The following PAM variants were observed in gnomAD, a reference collection of about 807,000 sequenced individuals.
The protein encoded by PAM is peptidylglycine alpha-amidating monooxygenase.
A neutral mutation model predicts 122.1 loss-of-function variants in PAM; 72 were observed. The observed-to-expected ratio is 0.59, with a 90% confidence interval of 0.49 to 0.72. The LOEUF is 0.72. PAM is among the 30% of genes least tolerant of loss of function. The pLI, the probability that PAM is intolerant of heterozygous loss-of-function variation, is 0.00. For synonymous variants in PAM, 389 were observed against 404.4 expected, an observed-to-expected ratio of 0.96 and a Z score of 0.46; for missense variants, 1,106 against 1,183.7, an observed-to-expected ratio of 0.93 and a Z score of 0.96.
chr5:102,766,877 A>T (rs1203283026), intron 1 of PAM, among the ~76,000 whole-genome samples: 1 of 101,622 alleles, frequency 9.8e-6, no homozygotes, highest in Non-Finnish European at 2.0e-5. Context: ...TATTCGTATA[A>T]TTTTTATGTG....
At chr5:102,829,089 T>C (rs961397138) in intron 1 of PAM, among the ~76,000 whole-genome samples, 2 of 152,098 alleles carry the variant, frequency 1.3e-5, no homozygotes, top group Non-Finnish European at 2.9e-5. Flanking sequence ...TAGCACTTGC[T>C]AAACACTCAG....
chr5:102,948,329 C>T (rs1181544939), intron 8 of PAM, 49 bp from the exon 9 acceptor site: 3 of 1,020,894 alleles, frequency 2.9e-6, no homozygotes, highest in Admixed American at 1.8e-5. Flanking sequence ...CCAAAACAGT[C>T]ATTTTGACTT....
intron 1 of PAM, among the ~76,000 whole-genome samples, chr5:102,780,591 G>A (rs1412801150): frequency 6.6e-6 from 1 of 151,914 alleles, no homozygotes; most frequent in Non-Finnish European, 1.5e-5. Context: ...ATTGCATGGT[G>A]TACCTCCCGA....
At chr5:102,876,487 C>A (rs1281136198) in intron 3 of PAM, among the ~76,000 whole-genome samples, 1 of 152,186 alleles carries the variant, frequency 6.6e-6, no homozygotes, top group African/African-American at 2.4e-5. Context: ...AGCCCTGCAT[C>A]TTTCCTGGCC....
Position 102,782,566 on chromosome 5 carries a change from A to G in PAM, c.-374+27218A>G, listed in dbSNP as rs912162140. 2.0e-5 allele frequency among the ~76,000 whole-genome samples: 3 copies of G among 152,250 alleles called. No homozygotes were observed. The South Asian group carries it at 6.2e-4, about 31-fold the overall frequency. ...AGAAGTACATGCAAATCTTTCAAAC[A>G]TAATATTTGAAAGTGAAAATCACGT... On this transcript the variant is annotated intron_variant, in intron 1 of 25. Transcript: ENST00000438793.
At chr5:102,782,303 C>A (rs2431530) in intron 1 of PAM, among the ~76,000 whole-genome samples, 2 of 151,934 alleles carry the variant, frequency 1.3e-5, no homozygotes, top group Admixed American at 6.5e-5. Context: ...AGTTCATAGC[C>A]GGAACGAATC....
At chr5:102,837,115 T>C (rs543259667) in intron 1 of PAM, among the ~76,000 whole-genome samples, 1 of 152,304 alleles carries the variant, frequency 6.6e-6, no homozygotes, top group Admixed American at 6.5e-5. Context: ...CCCTTAGGGA[T>C]ATGCCAAAGA....
At chr5:102,820,359 A>C (rs1580535539) in intron 1 of PAM, among the ~76,000 whole-genome samples, 1 of 152,222 alleles carries the variant, frequency 6.6e-6, no homozygotes, top group East Asian at 1.9e-4. Context: ...ACATTAAAAT[A>C]GTTTCAAAAG....
At chr5:102,814,634 T>G (rs1252126170) in intron 1 of PAM, among the ~76,000 whole-genome samples, 1 of 150,412 alleles carries the variant, frequency 6.6e-6, no homozygotes, top group African/African-American at 2.4e-5. Flanking sequence ...GAGGATAACT[T>G]TCTTATTACT....
At chr5:102,928,132 G>A (rs1469687056) in intron 7 of PAM, among the ~76,000 whole-genome samples, 1 of 152,138 alleles carries the variant, frequency 6.6e-6, no homozygotes, top group African/African-American at 2.4e-5. Flanking sequence ...AACTAAAGTA[G>A]CTCATCATAC....
chr5:102,999,749 GC>G (rs1167401623), intron 16 of PAM, among the ~76,000 whole-genome samples: 1 of 152,172 alleles, frequency 6.6e-6, no homozygotes, highest in Non-Finnish European at 1.5e-5. Flanking sequence ...TGAAGCCAAG[GC>G]CCAAGCTATA....
intron 5 of PAM, among the ~76,000 whole-genome samples, chr5:102,914,644 C>T (rs1802561443): frequency 6.6e-6 from 1 of 151,986 alleles, no homozygotes; most frequent in South Asian, 2.1e-4. Context: ...TCATTTTATC[C>T]TAATGTCTCT....
chr5:102,988,940 A>G (rs1043911019), intron 15 of PAM, among the ~76,000 whole-genome samples: 1 of 152,146 alleles, frequency 6.6e-6, no homozygotes, highest in Non-Finnish European at 1.5e-5. Context: ...CTGATCATAT[A>G]AGCTTTGAGC....
At chr5:102,986,042 T>C (rs993773494) in intron 15 of PAM, among the ~76,000 whole-genome samples, 1 of 152,198 alleles carries the variant, frequency 6.6e-6, no homozygotes, top group Admixed American at 6.5e-5. Context: ...TTTTTCTTCA[T>C]GACAAAAACT....
chr5:102,924,983 A>G lies in PAM; in HGVS notation c.383A>G (p.Asp128Gly). The change falls in exon 6 of 26, where the codon GAT becomes GGT. Residue 128 changes from aspartate (D) to glycine (G), a missense_variant. Asp to Gly is a moderately conservative substitution (Grantham distance 94). Coordinates refer to ENST00000438793, the MANE Select transcript of PAM (RefSeq NM_001177306.2). ...TTTTGTGATGAAGGAACCTGTACAG[A>G]TAAAGCCAATATTCTGTATGCCTGG... ...YWFCDEGTCT[D>G]KANILYAWAR... is the part of the protein sequence containing the mutation. 2 of 1,581,872 alleles carry G rather than the reference A, an allele frequency of 1.3e-6. No individual in the cohort carries two copies. The highest frequency in any genetic ancestry group is 1.7e-6 in the Non-Finnish European group (2 of 1,150,562).
At chr5:102,822,370 A>G (rs974055037) in intron 1 of PAM, among the ~76,000 whole-genome samples, 5 of 152,118 alleles carry the variant, frequency 3.3e-5, no homozygotes, top group African/African-American at 1.2e-4. Flanking sequence ...CCTGGACAGA[A>G]TGCCATCCCA....
intron 15 of PAM, among the ~76,000 whole-genome samples, chr5:102,989,124 T>C (rs938202942): frequency 6.6e-6 from 1 of 152,206 alleles, no homozygotes; most frequent in Non-Finnish European, 1.5e-5. Context: ...ATAGCTTTCA[T>C]AGTCATCTTC....
At chr5:103,007,327 G>C (rs1779334826) in intron 19 of PAM, 130 bp from the exon 20 acceptor site, 7 of 738,112 alleles carry the variant, frequency 9.5e-6, no homozygotes, top group Admixed American at 2.3e-5. Flanking sequence ...CTTATAAACT[G>C]CTTTACCTTA....
chr5:103,000,287 A>C (rs1184391726), intron 16 of PAM, among the ~76,000 whole-genome samples: 2 of 152,192 alleles, frequency 1.3e-5, no homozygotes, highest in African/African-American at 4.8e-5. Flanking sequence ...AAAACATAGC[A>C]AGACCTTTAT....
Sources: allele counts gnomAD v4.1 joint callset (sites outside exome capture counted in the v4.1 genomes callset), GRCh38; gene constraint gnomAD v4.1.1; transcripts MANE v1.5; gene names NCBI Gene and HGNC (gene_info 2026-07-23, HGNC 2026-07-21).